Variants in CPEB2 observed in about 807,000 individuals in gnomAD.
CPEB2 encodes cytoplasmic polyadenylation element-binding protein 2.
In CPEB2, 56 loss-of-function variants were observed where a neutral mutation model predicts 93.6. The observed-to-expected ratio is 0.60, with a 90% CI of 0.48 to 0.75. CPEB2 has a LOEUF of 0.75. CPEB2 is among the 30% of genes least tolerant of loss of function. The probability of loss-of-function intolerance (pLI) is 0.00; values close to 1 mark genes in which losing one functional copy is unlikely to be tolerated. For synonymous variants in CPEB2, 764 were observed against 586.3 expected (o/e 1.30, Z -4.38); for missense variants, 1,579 against 1,395.1 (o/e 1.13, Z -2.10).
At chr4:15,019,599 CTGTT>C (rs1198551966) in intron 4 of CPEB2, among the ~76,000 whole-genome samples, 1 of 151,872 alleles carries the variant, frequency 6.6e-6, no homozygotes, top group Non-Finnish European at 1.5e-5. Flanking sequence ...ATCCTGTCCT[CTGTT>C]TAATTAAAAA....
intron 4 of CPEB2, among the ~76,000 whole-genome samples, chr4:15,022,704 T>C (rs865865117): frequency 1.3e-5 from 2 of 152,116 alleles, no homozygotes; most frequent in Non-Finnish European, 2.9e-5. Flanking sequence ...ATTAAACATA[T>C]TCTGACTTTA....
At chr4:15,005,503 G>C (rs1258020219) in intron 1 of CPEB2, among the ~76,000 whole-genome samples, 1 of 152,190 alleles carries the variant, frequency 6.6e-6, no homozygotes, top group Non-Finnish European at 1.5e-5. Context: ...AATTGGCATT[G>C]AAAGAGTGTC....
Position 15,004,009 on chromosome 4 carries a change from G to C in CPEB2, c.1336G>C (p.Glu446Gln). Residue 446 changes from glutamate to glutamine, a missense_variant, in exon 1 of 12, where the codon GAG becomes CAG. This residue lies in a region of CPEB2 where 1,411 missense variants were observed against 1,056.0 expected (regional missense o/e 1.34). Coordinates refer to ENST00000538197, the MANE Select transcript of CPEB2 (RefSeq NM_001177382.2). Reference sequence around the variant, plus strand: ...CATGCCGCCGCCCAGCCCCGACTCAGAGAACGGCTTCTACCCCGGGCTGCC... The same window carrying C: ...CATGCCGCCGCCCAGCCCCGACTCACAGAACGGCTTCTACCCCGGGCTGCC... ...SAMPPPSPDS[E>Q]NGFYPGLPSS... 2 of 1,551,288 alleles carry C rather than the reference G, an allele frequency of 1.3e-6. No homozygotes were observed. The highest frequency in any genetic ancestry group is 2.4e-5 in the South Asian group (2 of 84,810).
rs559584274 is a variant in CPEB2, at chr4:15,042,421, C to T, written c.2200+1934C>T. ...CTCTATCCCCCGTAAGCCATAAAGA[C>T]TTATTCGGCTTCAGAACTGCCTTCC... On this transcript the variant is annotated intron_variant, in intron 6 of 11. Transcript: ENST00000538197. Among the ~76,000 whole-genome samples, 12 of 152,274 alleles carry T rather than the reference C, an allele frequency of 7.9e-5. No homozygotes were observed. The South Asian group carries it at 2.5e-3, about 32-fold the overall frequency.
At chr4:15,060,637 T>C (rs1221877836) in intron 10 of CPEB2, among the ~76,000 whole-genome samples, 4 of 152,122 alleles carry the variant, frequency 2.6e-5, no homozygotes, top group African/African-American at 7.2e-5. Context: ...GGGAAGATTG[T>C]GGTCTTGGTT....
chr4:15,059,801 T>A (rs1729029348), intron 10 of CPEB2, among the ~76,000 whole-genome samples: 1 of 152,152 alleles, frequency 6.6e-6, no homozygotes, highest in Non-Finnish European at 1.5e-5. Flanking sequence ...TAATTGTAGA[T>A]GTATATGCCC....
At chr4:15,029,718 C>A (rs1577407216) in intron 4 of CPEB2, among the ~76,000 whole-genome samples, 1 of 152,066 alleles carries the variant, frequency 6.6e-6, no homozygotes, top group South Asian at 2.1e-4. Context: ...ATTAACACTT[C>A]TAGAGTAGTA....
chr4:15,023,510 TATA>T (rs1220897223), intron 4 of CPEB2, among the ~76,000 whole-genome samples: 1 of 152,088 alleles, frequency 6.6e-6, no homozygotes, highest in Non-Finnish European at 1.5e-5. Context: ...TATTTTGGTG[TATA>T]ATTTTTCCAG....
chr4:15,004,125 C>CGGGGGGGGGGGGGGGGGGGGGGGGGG lies in CPEB2; in HGVS notation c.1454_1455insGGGGGGGGGGGGGGGGGGGGGGGGGG (p.Phe488GlyfsTer27). ...TCAGCGTTCCGACGAGCGGCGGCGG[C>CGGGGGGGGGGGGGGGGGGGGGGGGGG]GGCGGCGGCTTCGGCGGCCCCTTCT... On this transcript the variant is annotated frameshift_variant, in exon 1 of 12. Coordinates refer to ENST00000538197, the MANE Select transcript of CPEB2 (RefSeq NM_001177382.2). LOFTEE classifies it high-confidence loss of function. The CGGGGGGGGGGGGGGGGGGGGGGGGGG allele has an allele frequency of 2.0e-6, 3 of 1,514,234 alleles. No homozygotes were observed. The highest frequency in any genetic ancestry group is 2.7e-6 in the Non-Finnish European group (3 of 1,128,212). 93.8% of individuals were successfully genotyped at this position (1,514,234 alleles called of 1,614,324 possible). A position where few individuals can be genotyped will look rare whatever the true frequency, so the allele number is the denominator to read the frequency against.
At chr4:15,032,939 T>C (rs1726268525) in intron 4 of CPEB2, among the ~76,000 whole-genome samples, 1 of 152,210 alleles carries the variant, frequency 6.6e-6, no homozygotes, top group Admixed American at 6.5e-5. Context: ...TGTATTCTTA[T>C]GATCTAGGAA....
chr4:15,015,504 C>T (rs1307697480), intron 3 of CPEB2, among the ~76,000 whole-genome samples: 2 of 152,014 alleles, frequency 1.3e-5, no homozygotes, highest in African/African-American at 2.4e-5. Flanking sequence ...GTCTACAGTA[C>T]TGATTCTGAA....
chr4:15,011,255 C>T (rs1723442993), intron 3 of CPEB2, among the ~76,000 whole-genome samples: 1 of 151,822 alleles, frequency 6.6e-6, no homozygotes, highest in South Asian at 2.1e-4. Flanking sequence ...CATGCACCAC[C>T]ATACCCGCCT....
intron 6 of CPEB2, among the ~76,000 whole-genome samples, chr4:15,046,162 A>G (rs1329554992): frequency 6.6e-6 from 1 of 152,176 alleles, no homozygotes; most frequent in African/African-American, 2.4e-5. Flanking sequence ...TATATGTTCA[A>G]CTTTATTAGA....
At chr4:15,054,769 G>T (rs183183855) in intron 8 of CPEB2, among the ~76,000 whole-genome samples, 67 of 152,172 alleles carry the variant, frequency 4.4e-4, no homozygotes, top group African/African-American at 1.5e-3. Flanking sequence ...ACCATCTGTG[G>T]GGAGAGGAAG....
Position 15,003,007 on chromosome 4 carries a change from G to T in CPEB2, c.334G>T (p.Ala112Ser). The T allele has an allele frequency of 6.7e-7, 1 of 1,495,618 alleles. No homozygotes were observed. Among genetic ancestry groups the T allele is most frequent in the Non-Finnish European group, 8.8e-7 (1 of 1,133,934 alleles). The allele number at this position is 1,495,618 out of a possible 1,614,324, so 92.6% of individuals were successfully genotyped here. The change falls in exon 1 of 12, where the codon GCG (alanine) becomes TCG (serine). Residue 112 changes from alanine to serine, a missense_variant. Physicochemically the swap from Ala to Ser is moderately conservative, Grantham distance 99. Transcript: ENST00000538197. ...GCAGCCGGCGCGGCCGCTTTCGGGG[G>T]CGGCGGCCACGGAGAAACTCCCCGA... ...TQQPARPLSG[A>S]AATEKLPDHH...
chr4:15,020,470 T>C (rs1447852601), intron 4 of CPEB2, among the ~76,000 whole-genome samples: 3 of 152,138 alleles, frequency 2.0e-5, no homozygotes, highest in Admixed American at 6.5e-5. Flanking sequence ...GACTGGTGAT[T>C]GTGCTAACAG....
At position 15,003,372 on chromosome 4, in the gene CPEB2, G is replaced by A; in HGVS notation, c.699G>A (p.Pro233=). The A allele has an allele frequency of 4.3e-6, 6 of 1,385,468 alleles. No homozygotes were observed. The highest frequency in any genetic ancestry group is 4.6e-6 in the Non-Finnish European group (5 of 1,082,434). The allele number at this position is 1,385,468 out of a possible 1,614,324, so 85.8% of individuals were successfully genotyped here. The change falls in exon 1 of 12, where the codon CCG becomes CCA. Residue 233 remains proline, a synonymous_variant. Transcript: ENST00000538197. ...CTCAGCGCCAGCAGCAACAGCCGCC[G>A]CAGCAGTTCAGCCTCCTGCATCAGC... is the stretch of plus-strand genomic sequence containing the variant. The part of the protein sequence containing the change: ...QLAQRQQQQP[P]QQFSLLHQQH...
At chr4:15,060,906 C>T (rs1729134251) in intron 10 of CPEB2, among the ~76,000 whole-genome samples, 1 of 152,046 alleles carries the variant, frequency 6.6e-6, no homozygotes, top group Admixed American at 6.6e-5. Context: ...CAATTGGACT[C>T]TAGATATGTT....
chr4:15,003,671 C>T lies in CPEB2; in HGVS notation c.998C>T (p.Ala333Val), dbSNP rs1421072209. Reference protein sequence around the residue: ...NSPSNLLPGGALGAGAFSSLQ... With the variant: ...NSPSNLLPGGVLGAGAFSSLQ... ...CCCAGTAACCTCCTGCCCGGAGGTG[C>T]GCTTGGCGCGGGCGCCTTCAGCAGC... is the stretch of plus-strand genomic sequence containing the variant. The change falls in exon 1 of 12, where the codon GCG becomes GTG. Residue 333 changes from alanine to valine, a missense_variant. Ala to Val is a moderately conservative substitution (Grantham distance 64). Coordinates refer to ENST00000538197, the MANE Select transcript of CPEB2 (RefSeq NM_001177382.2). 1 of 1,465,786 alleles carries T rather than the reference C, an allele frequency of 6.8e-7. No homozygotes were observed. Among genetic ancestry groups the T allele is most frequent in the Non-Finnish European group, 9.0e-7 (1 of 1,111,392 alleles). 90.8% of individuals were successfully genotyped at this position (1,465,786 alleles called of 1,614,324 possible). A position where few individuals can be genotyped will look rare whatever the true frequency, so the allele number is the denominator to read the frequency against.
Sources: allele counts gnomAD v4.1 joint callset (sites outside exome capture counted in the v4.1 genomes callset), GRCh38; gene constraint gnomAD v4.1.1; regional missense constraint gnomAD v4.1.1; transcripts MANE v1.5; gene names NCBI Gene and HGNC (gene_info 2026-07-23, HGNC 2026-07-21).